TASP1: variants seen among roughly 807,000 people sequenced by gnomAD.
TASP1 encodes threonine aspartase 1.
TASP1 carries 16 observed loss-of-function variants against 56.6 expected under a neutral mutation model. The observed-to-expected ratio is 0.28, with a 90% confidence interval of 0.19 to 0.43. The LOEUF is 0.43. TASP1 is among the 20% of genes least tolerant of loss of function. The pLI is 1.00. For synonymous variants in TASP1, 179 were observed against 184.2 expected, an observed-to-expected ratio of 0.97 and a Z score of 0.23; for missense variants, 393 against 511.6, an observed-to-expected ratio of 0.77 and a Z score of 2.24.
the TASP1 span, among the ~76,000 whole-genome samples, chr20:13,281,749 G>A: frequency 6.6e-6 from 1 of 152,332 alleles, no homozygotes; most frequent in South Asian, 2.1e-4. Flanking sequence ...CTGAGTGAGA[G>A]AAGCACAGAG....
chr20:13,132,171 ATTTTTTTT>A, the TASP1 span, among the ~76,000 whole-genome samples: 5 of 104,000 alleles, frequency 4.8e-5, no homozygotes, highest in African/African-American at 1.1e-4. Context: ...CCTTGCTTTA[ATTTTTTTT>A]TTTTTTTTTT....
At chr20:13,226,826 T>C in the TASP1 span, among the ~76,000 whole-genome samples, 1 of 152,260 alleles carries the variant, frequency 6.6e-6, no homozygotes, top group Non-Finnish European at 1.5e-5. Flanking sequence ...CTGTATTCTA[T>C]TAGCCAAACC....
At chr20:13,354,419 T>C in the TASP1 span, among the ~76,000 whole-genome samples, 2 of 152,106 alleles carry the variant, frequency 1.3e-5, no homozygotes, top group African/African-American at 2.4e-5. Context: ...GAAAGAGAAA[T>C]GTCACTTACA....
At chr20:13,400,282 A>G (rs2041689577) in intron 13 of TASP1, among the ~76,000 whole-genome samples, 1 of 152,132 alleles carries the variant, frequency 6.6e-6, no homozygotes, top group Non-Finnish European at 1.5e-5. Flanking sequence ...TCAAACTTTT[A>G]CTCCTAAGTA....
intron 2 of TASP1, among the ~76,000 whole-genome samples, chr20:13,626,134 A>G (rs1454240635): frequency 6.6e-6 from 1 of 152,156 alleles, no homozygotes; most frequent in African/African-American, 2.4e-5. Flanking sequence ...GTTAAGAAAT[A>G]CACCTCTAGG....
the TASP1 span, among the ~76,000 whole-genome samples, chr20:13,196,807 C>A: frequency 6.6e-6 from 1 of 152,072 alleles, no homozygotes; most frequent in Non-Finnish European, 1.5e-5. Flanking sequence ...CACATCATAT[C>A]TCCATTACTC....
the TASP1 span, chr20:13,244,018 A>G: frequency 6.6e-6 from 1 of 152,348 alleles, no homozygotes; most frequent in South Asian, 2.1e-4. Context: ...CCACATCTCC[A>G]GTGTAGGCAC....
chr20:13,629,047 GGT>G (rs1239811063), intron 2 of TASP1, among the ~76,000 whole-genome samples: 1 of 152,126 alleles, frequency 6.6e-6, no homozygotes, highest in African/African-American at 2.4e-5. Context: ...TAATCTCTCT[GGT>G]CTTAAGGTTC....
At chr20:13,270,515 C>G in the TASP1 span, 1 of 1,612,914 alleles carries the variant, frequency 6.2e-7, no homozygotes, top group Admixed American at 1.7e-5. Flanking sequence ...ATAACCTCAA[C>G]GTGGGAAGTG....
intron 4 of TASP1, among the ~76,000 whole-genome samples, chr20:13,619,140 C>T (rs537949654): frequency 5.7e-4 from 86 of 152,010 alleles, no homozygotes; most frequent in Non-Finnish European, 1.1e-3. Context: ...CCCAAAGATC[C>T]GTCCACTTCG....
At chr20:13,603,991 C>T (rs576627747) in intron 4 of TASP1, among the ~76,000 whole-genome samples, 1 of 152,292 alleles carries the variant, frequency 6.6e-6, no homozygotes, top group Non-Finnish European at 1.5e-5. Context: ...GGTCTGTCTC[C>T]AGCAAGAATT....
chr20:13,228,733 C>G, the TASP1 span, among the ~76,000 whole-genome samples: 24 of 152,102 alleles, frequency 1.6e-4, no homozygotes, highest in African/African-American at 5.6e-4. Context: ...TTTGGTATTT[C>G]CAATATCCCT....
chr20:13,486,241 A>C, intron 10 of TASP1, among the ~76,000 whole-genome samples: 1 of 152,200 alleles, frequency 6.6e-6, no homozygotes, highest in Non-Finnish European at 1.5e-5. Context: ...TCACCAAAAA[A>C]TAAGACTTTC....
intron 8 of TASP1, among the ~76,000 whole-genome samples, chr20:13,539,359 TG>T (rs2045534485): frequency 6.6e-6 from 1 of 151,484 alleles, no homozygotes; most frequent in East Asian, 1.9e-4. Context: ...CTAAACAGAG[TG>T]GTCAACATAG....
the TASP1 span, chr20:13,279,857 C>T: frequency 1.6e-4 from 254 of 1,613,882 alleles, no homozygotes; most frequent in Non-Finnish European, 2.1e-4. Flanking sequence ...CATACAGCCC[C>T]AGGCCACCGG....
In TASP1 at chr20:13,447,199, G is replaced by A. The variant is rs532214280; in HGVS notation, c.986-12045C>T. ...GGGAAATGCCAGCCTTACAAAAACT[G>A]GGTATTAGCAAACTTTTTGATTATT... On this transcript the variant is annotated intron_variant, in intron 11 of 13. Coordinates refer to ENST00000337743, the MANE Select transcript of TASP1 (RefSeq NM_017714.3). Among the ~76,000 whole-genome samples, 3 of 152,164 alleles carry A rather than the reference G, an allele frequency of 2.0e-5. No homozygotes were observed. The East Asian group carries it at 5.8e-4, about 29-fold the overall frequency.
chr20:13,393,245 C>T, intron 13 of TASP1: 2 of 736,684 alleles, frequency 2.7e-6, no homozygotes, highest in South Asian at 2.8e-5. Flanking sequence ...TGGATGGCCC[C>T]TCCGGGAAAC....
chr20:13,164,811 A>T, the TASP1 span: 15 of 1,613,750 alleles, frequency 9.3e-6, no homozygotes, highest in African/African-American at 1.2e-4. Context: ...TTCCCGGCAC[A>T]AGAAGTCAGC....
At chr20:13,498,331 T>TTGTGTGTGTGTGTGTGTG (rs60099056) in intron 10 of TASP1, among the ~76,000 whole-genome samples, 3 of 135,010 alleles carry the variant, frequency 2.2e-5, no homozygotes, top group Non-Finnish European at 4.7e-5. Flanking sequence ...TTCTTTTCTT[T>TTGTGTGTGTGTGTGTGTG]TGTGTGTGTG....
Sources: gnomAD v4.1 joint callset for allele counts (sites outside exome capture counted in the v4.1 genomes callset) on GRCh38, gnomAD v4.1.1 for gene constraint, MANE v1.5 for transcripts, NCBI Gene and HGNC (gene_info 2026-07-23, HGNC 2026-07-21) for gene names.